The following ZFHX3 variants were observed in gnomAD, a reference collection of about 807,000 sequenced individuals.
ZFHX3 encodes the protein zinc finger homeobox 3.
ZFHX3 carries 42 observed loss-of-function variants against 279.1 expected under a neutral mutation model. The ratio of observed to expected loss-of-function variants is 0.15; its 90% CI spans 0.12 to 0.19. The LOEUF (loss-of-function observed/expected upper bound fraction) is 0.19. Among genes scored for constraint, ZFHX3 ranks in the 10% least tolerant of loss-of-function variants. The pLI is 1.00. For missense variants in ZFHX3, 4,981 were observed against 4,754.0 expected, an observed-to-expected ratio of 1.05 and a Z score of -1.40; for synonymous variants, 2,293 against 1,957.8, an observed-to-expected ratio of 1.17 and a Z score of -4.52.
chr16:72,911,308 C>T (rs2039310162), intron 3 of ZFHX3, among the ~76,000 whole-genome samples: 1 of 152,156 alleles, frequency 6.6e-6, no homozygotes, highest in African/African-American at 2.4e-5. Flanking sequence ...TCCATGTTTC[C>T]CCCACTGTAA....
At chr16:73,456,027 C>T (rs2018365369) in exon 3 of ZFHX3, 1 of 152,110 alleles carries the variant, frequency 6.6e-6, no homozygotes, top group African/African-American at 2.4e-5. Context: ...GATTCAGACT[C>T]CTCCAGTCCT....
At chr16:72,836,120 G>A (rs549417670) in intron 4 of ZFHX3, among the ~76,000 whole-genome samples, 2 of 152,250 alleles carry the variant, frequency 1.3e-5, no homozygotes, top group East Asian at 1.9e-4. Context: ...TTCTACTCCC[G>A]TCTTCTCTCT....
intron 7 of ZFHX3, among the ~76,000 whole-genome samples, chr16:73,096,814 G>A (rs568047241): frequency 6.6e-6 from 1 of 152,014 alleles, no homozygotes; most frequent in African/African-American, 2.4e-5. Context: ...AAGTATGCCC[G>A]GGAGTAAGCT....
At chr16:73,253,876 G>C (rs2013585777) in intron 5 of ZFHX3, among the ~76,000 whole-genome samples, 1 of 152,100 alleles carries the variant, frequency 6.6e-6, no homozygotes, top group South Asian at 2.1e-4. Flanking sequence ...AAGGAGTTAA[G>C]GTCCTTAAAA....
chr16:73,537,743 G>T (rs1460815792), intron 2 of ZFHX3, among the ~76,000 whole-genome samples: 1 of 152,174 alleles, frequency 6.6e-6, no homozygotes, highest in Non-Finnish European at 1.5e-5. Context: ...CATTCTTCAG[G>T]AGTCCCATGA....
intron 2 of ZFHX3, among the ~76,000 whole-genome samples, chr16:73,575,035 C>A (rs1175114441): frequency 6.6e-6 from 1 of 152,158 alleles, no homozygotes; most frequent in African/African-American, 2.4e-5. Context: ...GGTCCTCATG[C>A]CGTTTTGTGT....
chr16:73,542,689 C>T (rs1372419621), intron 2 of ZFHX3, among the ~76,000 whole-genome samples: 1 of 151,966 alleles, frequency 6.6e-6, no homozygotes, highest in Non-Finnish European at 1.5e-5. Flanking sequence ...CAAAAAGATG[C>T]CCAGTTAAAT....
At chr16:73,163,618 C>T (rs192876155) in intron 5 of ZFHX3, among the ~76,000 whole-genome samples, 8 of 152,250 alleles carry the variant, frequency 5.3e-5, no homozygotes, top group Admixed American at 4.6e-4. Context: ...TGATTAAATA[C>T]TAAAGCAAGT....
At chr16:73,599,339 T>C (rs1376275614) in intron 2 of ZFHX3, among the ~76,000 whole-genome samples, 1 of 152,224 alleles carries the variant, frequency 6.6e-6, no homozygotes. Flanking sequence ...CTTATTACAA[T>C]CTATCCAAGA....
At chr16:73,233,853 G>A (rs1298162541) in intron 5 of ZFHX3, 1 of 152,134 alleles carries the variant, frequency 6.6e-6, no homozygotes, top group African/African-American at 2.4e-5. Flanking sequence ...TTCTGATTGA[G>A]GTTTTAATTT....
intron 1 of ZFHX3, among the ~76,000 whole-genome samples, chr16:73,767,852 G>A (rs1453057540): frequency 6.6e-6 from 1 of 152,158 alleles, no homozygotes; most frequent in East Asian, 1.9e-4. Flanking sequence ...GCCCCAGCAG[G>A]AAGCAGATGG....
At chr16:73,781,942 G>A (rs1053591219) in intron 1 of ZFHX3, among the ~76,000 whole-genome samples, 6 of 152,236 alleles carry the variant, frequency 3.9e-5, no homozygotes, top group African/African-American at 9.6e-5. Flanking sequence ...AGCTGAGATC[G>A]TGCCACTGCA....
chr16:73,881,898 T>A (rs1025519403), intron 1 of ZFHX3, among the ~76,000 whole-genome samples: 2 of 152,068 alleles, frequency 1.3e-5, no homozygotes, highest in Non-Finnish European at 2.9e-5. Flanking sequence ...GCCCCGCAGC[T>A]CCCCTCCAGT....
intron 1 of ZFHX3, among the ~76,000 whole-genome samples, chr16:73,685,304 C>T (rs958560590): frequency 6.6e-6 from 1 of 152,188 alleles, no homozygotes; most frequent in African/African-American, 2.4e-5. Flanking sequence ...GCGTGAGCCA[C>T]CACGCTCAGC....
chr16:72,844,180 C>A (rs2037419919), intron 4 of ZFHX3, among the ~76,000 whole-genome samples: 1 of 152,200 alleles, frequency 6.6e-6, no homozygotes, highest in African/African-American at 2.4e-5. Flanking sequence ...GCTGTCACAG[C>A]CCCGAATCCC....
chr16:73,814,231 T>C (rs2142340222), intron 1 of ZFHX3, among the ~76,000 whole-genome samples: 1 of 151,320 alleles, frequency 6.6e-6, no homozygotes, highest in East Asian at 2.0e-4. Context: ...ACCCCCACCA[T>C]TGTCAACTGC....
intron 2 of ZFHX3, among the ~76,000 whole-genome samples, chr16:73,524,885 T>G (rs2019666221): frequency 6.6e-6 from 1 of 152,206 alleles, no homozygotes; most frequent in South Asian, 2.1e-4. Context: ...TGCTCTATTT[T>G]CACAGAGGGC....
intron 1 of ZFHX3, among the ~76,000 whole-genome samples, chr16:73,749,649 A>G (rs1441589153): frequency 6.6e-6 from 1 of 152,250 alleles, no homozygotes; most frequent in Non-Finnish European, 1.5e-5. Flanking sequence ...TATACTACGT[A>G]TAACTGTGTT....
chr16:73,409,847 A>G (rs1038841997), intron 3 of ZFHX3, among the ~76,000 whole-genome samples: 16 of 152,182 alleles, frequency 1.1e-4, no homozygotes, highest in African/African-American at 3.4e-4. Context: ...GTCAAGTGAA[A>G]TAGCCAGGAA....
Sources: gnomAD v4.1 joint callset for allele counts (sites outside exome capture counted in the v4.1 genomes callset) on GRCh38, gnomAD v4.1.1 for gene constraint, MANE v1.5 for transcripts, NCBI Gene and HGNC (gene_info 2026-07-23, HGNC 2026-07-21) for gene names.